The following RPL39L variants were observed in gnomAD, a reference collection of about 807,000 sequenced individuals.
RPL39L encodes ribosomal protein eL39-like 2.
For synonymous variants in RPL39L, 16 were observed against 20.1 expected, an observed-to-expected ratio of 0.80 and a Z score of 0.55; for missense variants, 48 against 58.9, an observed-to-expected ratio of 0.81 and a Z score of 0.61.
intron 2 of RPL39L, among the ~76,000 whole-genome samples, chr3:187,122,227 C>T (rs1720322404): frequency 1.3e-5 from 2 of 152,312 alleles, no homozygotes; most frequent in South Asian, 4.1e-4. Context: ...AATTAACGAA[C>T]ATCAACCTGG....
intron 1 of RPL39L, among the ~76,000 whole-genome samples, chr3:187,136,412 C>T (rs1405059776): frequency 1.3e-5 from 2 of 152,200 alleles, no homozygotes; most frequent in Non-Finnish European, 2.9e-5. Flanking sequence ...GACAATCAAA[C>T]AGCCAAAGCA....
chr3:187,136,761 A>AT (rs750167033), intron 1 of RPL39L, among the ~76,000 whole-genome samples: 28 of 152,228 alleles, frequency 1.8e-4, no homozygotes, highest in Non-Finnish European at 2.9e-4. Flanking sequence ...AGCCCCACAT[A>AT]TAGTTACAAT....
chr3:187,121,058 G>T lies in RPL39L; in HGVS notation c.*87C>A. 7.0e-7 allele frequency: 1 copy of T among 1,430,198 alleles called. No individual in the cohort carries two copies. The highest frequency in any genetic ancestry group is 9.8e-7 in the Non-Finnish European group (1 of 1,021,578). The allele number at this position is 1,430,198 out of a possible 1,614,324, so 88.6% of individuals were successfully genotyped here. On this transcript the variant is annotated 3_prime_UTR_variant, in exon 3 of 3. Coordinates refer to ENST00000296277, the MANE Select transcript of RPL39L (RefSeq NM_052969.3). ...CAGTAAAACATGTGCAACTGTCCAG[G>T]TAGTGGTGACATTTTCAGCTTGATA...
intron 1 of RPL39L, among the ~76,000 whole-genome samples, chr3:187,129,923 T>C (rs1720459374): frequency 6.6e-6 from 1 of 151,984 alleles, no homozygotes; most frequent in Non-Finnish European, 1.5e-5. Flanking sequence ...AAGAGCTGTA[T>C]TGTATCATCT....
chr3:187,129,053 T>A (rs1022307600), intron 1 of RPL39L, among the ~76,000 whole-genome samples: 3 of 152,202 alleles, frequency 2.0e-5, no homozygotes, highest in African/African-American at 7.2e-5. Context: ...CATTATCATA[T>A]CAACTACAGG....
At chr3:187,131,075 T>C (rs902093205) in intron 1 of RPL39L, among the ~76,000 whole-genome samples, 1 of 152,214 alleles carries the variant, frequency 6.6e-6, no homozygotes, top group Non-Finnish European at 1.5e-5. Context: ...ATCAAAGTGG[T>C]ATTTAAAAGG....
At chr3:187,132,412 G>C (rs1023114752) in intron 1 of RPL39L, among the ~76,000 whole-genome samples, 7 of 152,234 alleles carry the variant, frequency 4.6e-5, no homozygotes, top group African/African-American at 1.4e-4. Context: ...GTTGAATGCT[G>C]ACTACAGGTG....
At chr3:187,124,598 A>G (rs1720367341) in intron 2 of RPL39L, among the ~76,000 whole-genome samples, 1 of 152,170 alleles carries the variant, frequency 6.6e-6, no homozygotes, top group South Asian at 2.1e-4. Flanking sequence ...CTGAGAGTTC[A>G]AGGCACTAGT....
chr3:187,138,850 G>A (rs1170203637), intron 1 of RPL39L, among the ~76,000 whole-genome samples: 1 of 152,052 alleles, frequency 6.6e-6, no homozygotes, highest in African/African-American at 2.4e-5. Flanking sequence ...ACCTGAGGTC[G>A]GGAGTTCGAG....
intron 2 of RPL39L, among the ~76,000 whole-genome samples, chr3:187,121,992 A>G (rs13087701): frequency 0.038 from 5,754 of 152,342 alleles, 139 homozygotes; most frequent in Non-Finnish European, 0.059. Context: ...GAAAATAGAA[A>G]CCTATAAAAC....
intron 1 of RPL39L, among the ~76,000 whole-genome samples, chr3:187,137,578 T>C (rs1021092302): frequency 2.0e-5 from 3 of 151,728 alleles, no homozygotes; most frequent in Admixed American, 6.6e-5. Flanking sequence ...TTTGGGAGGC[T>C]GATGCGGGCA....
intron 1 of RPL39L, among the ~76,000 whole-genome samples, chr3:187,134,376 G>T (rs1720536201): frequency 6.6e-6 from 1 of 151,356 alleles, no homozygotes; most frequent in South Asian, 2.1e-4. Context: ...GAGGGTGGAG[G>T]CCAGGGATGC....
chr3:187,126,152 A>T (rs1291989562), intron 2 of RPL39L, among the ~76,000 whole-genome samples: 10 of 150,622 alleles, frequency 6.6e-5, no homozygotes, highest in Admixed American at 6.6e-4. Context: ...AAATATAAAC[A>T]TCTATTGGTT....
chr3:187,121,842 T>C (rs1399625522), intron 2 of RPL39L, among the ~76,000 whole-genome samples: 3 of 152,216 alleles, frequency 2.0e-5, no homozygotes, highest in Admixed American at 6.5e-5. Flanking sequence ...TTGTAGATAT[T>C]ATTTTGTAAC....
chr3:187,131,771 C>T (rs2108469566), intron 1 of RPL39L, among the ~76,000 whole-genome samples: 1 of 152,264 alleles, frequency 6.6e-6, no homozygotes, highest in African/African-American at 2.4e-5. Flanking sequence ...ATATTTAGGA[C>T]AATGCTTGGC....
chr3:187,130,214 CAT>C (rs138368832), intron 1 of RPL39L, among the ~76,000 whole-genome samples: 3,497 of 152,338 alleles, frequency 0.023, 54 homozygotes, highest in Non-Finnish European at 0.034. Flanking sequence ...CTTTGCTTCA[CAT>C]GAGTTGATAA....
At chr3:187,124,061 T>G (rs1720356744) in intron 2 of RPL39L, among the ~76,000 whole-genome samples, 2 of 152,222 alleles carry the variant, frequency 1.3e-5, no homozygotes, top group African/African-American at 4.8e-5. Flanking sequence ...CTCATTCTAG[T>G]ACAATAGTAA....
intron 1 of RPL39L, among the ~76,000 whole-genome samples, chr3:187,131,982 TGGATACTCAA>T (rs1720491183): frequency 6.6e-6 from 1 of 152,238 alleles, no homozygotes; most frequent in African/African-American, 2.4e-5. Context: ...ATATTTTTCT[TGGATACTCAA>T]GGATGCTCAG....
Position 187,121,021 on chromosome 3 carries a change from A to G in RPL39L, c.*124T>C. On this transcript the variant is annotated 3_prime_UTR_variant, in exon 3 of 3. Coordinates refer to ENST00000296277, the MANE Select transcript of RPL39L (RefSeq NM_052969.3). ...AGCACAGAGCATACAGAAAAACAGA[A>G]AAAAATATTCCCAGTAAAACATGTG... 8.9e-7 allele frequency: 1 copy of G among 1,119,396 alleles called. No homozygotes were observed. Among genetic ancestry groups the G allele is most frequent in the East Asian group, 2.4e-5 (1 of 42,482 alleles). 69.3% of individuals were successfully genotyped at this position (1,119,396 alleles called of 1,614,324 possible).
Sources: allele counts gnomAD v4.1 joint callset (sites outside exome capture counted in the v4.1 genomes callset), GRCh38; gene constraint gnomAD v4.1.1; transcripts MANE v1.5; gene names NCBI Gene and HGNC (gene_info 2026-07-23, HGNC 2026-07-21).